The following DPPA4 variants were observed in gnomAD, a reference collection of about 807,000 sequenced individuals.
The protein encoded by DPPA4 is developmental pluripotency-associated protein 4.
Under a neutral mutation model 33.7 loss-of-function variants are expected in DPPA4, and 22 were observed. That is an observed-to-expected ratio of 0.65 (90% CI 0.47 to 0.93). The LOEUF is 0.93. Ranked by LOEUF, DPPA4 falls within the 40% of genes least tolerant of loss-of-function variation. The pLI, the probability that DPPA4 is intolerant of heterozygous loss-of-function variation, is 0.00. For missense variants in DPPA4, 340 were observed against 358.6 expected, an observed-to-expected ratio of 0.95 and a Z score of 0.42; for synonymous variants, 156 against 132.3, an observed-to-expected ratio of 1.18 and a Z score of -1.23.
chr3:109,327,773 T>C lies in DPPA4; in HGVS notation c.*215A>G, dbSNP rs916357461. 20 of 459,164 alleles carry C rather than the reference T, an allele frequency of 4.4e-5. No homozygotes were observed. Among genetic ancestry groups the C allele is most frequent in the African/African-American group, 3.2e-4 (16 of 49,840 alleles). 28.4% of individuals were successfully genotyped at this position (459,164 alleles called of 1,614,324 possible). A position where few individuals can be genotyped will look rare whatever the true frequency, so the allele number is the denominator to read the frequency against. ...CTACAATTTATGGTAATTTGTGAAA[T>C]GTTTTTCCATTTTTAAATGTAAGAG... On this transcript the variant is annotated 3_prime_UTR_variant, in exon 7 of 7. Transcript: ENST00000335658.
chr3:109,330,848 AG>A (rs1306659668), intron 4 of DPPA4, 36 bp from the exon 5 acceptor site: 5 of 1,529,056 alleles, frequency 3.3e-6, no homozygotes, highest in Non-Finnish European at 4.4e-6. Context: ...ATAAAAATAC[AG>A]ATTAAAATTC....
At position 109,333,969 on chromosome 3, in the gene DPPA4, C is replaced by G; in HGVS notation, c.79G>C (p.Glu27Gln). Residue 27 changes from glutamate (E) to glutamine (Q), a missense_variant, in exon 2 of 7, where the codon GAA becomes CAA. By Grantham distance (29) the Glu-to-Gln change is conservative. Transcript: ENST00000335658. ...KEWTSTEKSR[E>Q]EDQQASNQPN... ...TGATTAGAAGCCTGCTGATCCTCTT[C>G]CCTCGACTTCTCTGTGGAGGTCCAC... The G allele has an allele frequency of 6.2e-7, 1 of 1,614,138 alleles. No homozygotes were observed. Among genetic ancestry groups the G allele is most frequent in the Non-Finnish European group, 8.5e-7 (1 of 1,180,010 alleles).
intron 1 of DPPA4, among the ~76,000 whole-genome samples, chr3:109,336,080 G>A (rs964866052): frequency 6.6e-6 from 1 of 151,590 alleles, no homozygotes; most frequent in African/African-American, 2.4e-5. Flanking sequence ...TTGAACCCGG[G>A]AAGCAGAGGC....
chr3:109,332,463 C>T (rs1708103804), intron 2 of DPPA4, among the ~76,000 whole-genome samples: 1 of 152,064 alleles, frequency 6.6e-6, no homozygotes, highest in South Asian at 2.1e-4. Flanking sequence ...CTTCTAAAAC[C>T]CAGTTTTATT....
intron 1 of DPPA4, chr3:109,336,181 C>T (rs543132227): frequency 1.3e-5 from 2 of 151,962 alleles, no homozygotes; most frequent in East Asian, 3.9e-4. Flanking sequence ...AAAATTTCTC[C>T]TAAATCTAAA....
intron 1 of DPPA4, among the ~76,000 whole-genome samples, chr3:109,335,945 G>A (rs1022403217): frequency 3.3e-5 from 5 of 151,744 alleles, no homozygotes; most frequent in African/African-American, 1.2e-4. Context: ...TTGAGGTCAG[G>A]AGTTCGAGAC....
chr3:109,334,288 T>C (rs1708146642), intron 1 of DPPA4, among the ~76,000 whole-genome samples: 1 of 152,208 alleles, frequency 6.6e-6, no homozygotes, highest in African/African-American at 2.4e-5. Context: ...GGCTCACGCC[T>C]GTAGTCTGAG....
chr3:109,331,664 T>C, intron 4 of DPPA4, 70 bp downstream of exon 4: 1 of 1,459,992 alleles, frequency 6.8e-7, no homozygotes. Flanking sequence ...AGACAGTTCC[T>C]TTACTCACTT....
chr3:109,337,873 G>T (rs1326978175), upstream of DPPA4, among the ~76,000 whole-genome samples: 1 of 152,164 alleles, frequency 6.6e-6, no homozygotes, highest in Non-Finnish European at 1.5e-5. Flanking sequence ...TGAGCAGGAT[G>T]TGTGAAGGGA....
chr3:109,339,626 C>T (rs924987888), upstream of DPPA4, among the ~76,000 whole-genome samples: 5 of 151,672 alleles, frequency 3.3e-5, no homozygotes, highest in East Asian at 3.9e-4. Context: ...GGCGTGGTGG[C>T]GCAGGGGTGC....
intron 2 of DPPA4, 105 bp from the exon 3 acceptor site, chr3:109,332,136 T>G (rs1708094953): frequency 1.9e-6 from 2 of 1,037,014 alleles, no homozygotes; most frequent in Non-Finnish European, 2.8e-6. Context: ...AGAATCTTGC[T>G]CTGTCGCCCG....
intron 4 of DPPA4, among the ~76,000 whole-genome samples, chr3:109,331,107 G>A (rs1011237698): frequency 4.0e-5 from 6 of 150,670 alleles, no homozygotes; most frequent in African/African-American, 9.8e-5. Flanking sequence ...GTGAAATCCC[G>A]TCTCTACTAA....
At chr3:109,332,246 C>T (rs190633470) in intron 2 of DPPA4, 278 of 334,600 alleles carry the variant, frequency 8.3e-4, no homozygotes, top group Middle Eastern at 1.9e-3. Flanking sequence ...GGATTACAGA[C>T]GCCCACCACC....
Position 109,333,938 on chromosome 3 carries a change from TTTGG to T in DPPA4, c.106_109del (p.Pro36IlefsTer57), listed in dbSNP as rs1380478201. Reference sequence around the variant, plus strand: ...TGATGTTCCTGGCAAAGCAATTGAATTTGGTTGATTAGAAGCCTGCTGATCCTCT... The same window carrying T: ...TGATGTTCCTGGCAAAGCAATTGAATTTGATTAGAAGCCTGCTGATCCTCT... On this transcript the variant is annotated frameshift_variant, in exon 2 of 7. Transcript: ENST00000335658. LOFTEE classifies it high-confidence loss of function. 2 of 1,614,050 alleles carry T rather than the reference TTTGG, an allele frequency of 1.2e-6. No individual in the cohort carries two copies. The highest frequency in any genetic ancestry group is 1.7e-6 in the Non-Finnish European group (2 of 1,180,024).
chr3:109,328,919 G>A lies in DPPA4; in HGVS notation c.849C>T (p.Asp283=), dbSNP rs766199658. The A allele has an allele frequency of 1.2e-6, 2 of 1,614,032 alleles. No individual in the cohort carries two copies. Among genetic ancestry groups the A allele is most frequent in the Non-Finnish European group, 1.7e-6 (2 of 1,179,940 alleles). ...GAACACATTTGGGGCACAACATATTGTCTTCAAGGTGCGGGGGTGGAAAAT... is the reference window on the plus strand; with the variant it reads ...GAACACATTTGGGGCACAACATATTATCTTCAAGGTGCGGGGGTGGAAAAT... ...ASNFPPPHLE[D]NMLCPKCVHR... is the part of the protein sequence containing the mutation. Residue 283 remains aspartate (D), a synonymous_variant, in exon 6 of 7, where the codon GAC becomes GAT. Transcript: ENST00000335658.
rs1708052802 is a variant in DPPA4, at chr3:109,330,752, C to T, written c.451G>A (p.Val151Met). The T allele has an allele frequency of 6.2e-7, 1 of 1,613,774 alleles. No homozygotes were observed. The highest frequency in any genetic ancestry group is 8.5e-7 in the Non-Finnish European group (1 of 1,179,952). The change falls in exon 5 of 7, where the codon GTG becomes ATG. Residue 151 changes from valine (V) to methionine (M), a missense_variant. By Grantham distance (21) the Val-to-Met change is conservative. Coordinates refer to ENST00000335658, the MANE Select transcript of DPPA4 (RefSeq NM_018189.4). ...TGCAGGGACGTTTCCCCCTTTTCCA[C>T]CTTTAATTTTTTTTGCAATGATTTC... ...IRKSLQKKLK[V>M]EKGETSLQSS...
Position 109,327,729 on chromosome 3 carries a change from G to T in DPPA4, c.*259C>A. On this transcript the variant is annotated 3_prime_UTR_variant, in exon 7 of 7. Coordinates refer to ENST00000335658, the MANE Select transcript of DPPA4 (RefSeq NM_018189.4). ...TCTATTTTAGAAAAGTAGTATGAAT[G>T]AGTTTTTCTACATATTAACTACAAT... 2.7e-6 allele frequency: 1 copy of T among 364,202 alleles called. No homozygotes were observed. The allele number at this position is 364,202 out of a possible 1,614,324, so 22.6% of individuals were successfully genotyped here. A position where few individuals can be genotyped will look rare whatever the true frequency, so the allele number is the denominator to read the frequency against.
At position 109,332,149 on chromosome 3, in the gene DPPA4, T is replaced by G. The variant is rs1576837262; in HGVS notation, c.179-118A>C. The G allele has an allele frequency of 9.1e-6, 8 of 877,640 alleles. No homozygotes were observed. The East Asian group carries it at 2.1e-4, about 23-fold the overall frequency. The allele number at this position is 877,640 out of a possible 1,614,324, so 54.4% of individuals were successfully genotyped here. On this transcript the variant is annotated intron_variant, in intron 2 of 6. Transcript: ENST00000335658. ...ACAGAATCTTGCTCTGTCGCCCGGC[T>G]GGAGTGCAGTGGCGCGATCTTGGCT...
At chr3:109,335,767 A>T (rs191035430) in intron 1 of DPPA4, among the ~76,000 whole-genome samples, 1 of 152,156 alleles carries the variant, frequency 6.6e-6, no homozygotes, top group East Asian at 1.9e-4. Flanking sequence ...TTCTCATAGC[A>T]ATCTGGCAAC....
Sources: gnomAD v4.1 joint callset for allele counts (sites outside exome capture counted in the v4.1 genomes callset) on GRCh38, gnomAD v4.1.1 for gene constraint, MANE v1.5 for transcripts, NCBI Gene and HGNC (gene_info 2026-07-23, HGNC 2026-07-21) for gene names.